The following SEMA5A variants were observed in gnomAD, a reference collection of about 807,000 sequenced individuals.
SEMA5A encodes the protein semaphorin 5A.
SEMA5A carries 55 observed loss-of-function variants against 135.5 expected under a neutral mutation model. That is an observed-to-expected ratio of 0.41 (90% CI 0.33 to 0.51). SEMA5A has a LOEUF of 0.51. Among genes scored for constraint, SEMA5A ranks in the 20% least tolerant of loss-of-function variants. The probability of loss-of-function intolerance (pLI) is 0.37; values close to 1 mark genes in which losing one functional copy is unlikely to be tolerated. For synonymous variants in SEMA5A, 580 were observed against 546.5 expected (o/e 1.06, Z -0.85); for missense variants, 1,290 against 1,419.9 (o/e 0.91, Z 1.47).
At chr5:9,309,896 A>AAAGATATAAGAG (rs1752042755) in intron 5 of SEMA5A, among the ~76,000 whole-genome samples, 1 of 10,216 alleles carries the variant, frequency 9.8e-5, no homozygotes, top group African/African-American at 1.3e-4. Flanking sequence ...CACCAAGGGA[A>AAAGATATAAGAG]CAGATATAAG....
chr5:9,491,511 A>AC (rs1735002740), intron 1 of SEMA5A, among the ~76,000 whole-genome samples: 1 of 152,066 alleles, frequency 6.6e-6, no homozygotes, highest in Non-Finnish European at 1.5e-5. Flanking sequence ...TGCATACACA[A>AC]CCTGAAGACT....
intron 6 of SEMA5A, among the ~76,000 whole-genome samples, chr5:9,234,213 G>A (rs1453398542): frequency 6.6e-6 from 1 of 152,168 alleles, no homozygotes; most frequent in Non-Finnish European, 1.5e-5. Context: ...AATGTGGGTT[G>A]TCTGAATTCT....
chr5:9,517,087 G>A (rs575312192), intron 1 of SEMA5A: 1 of 152,142 alleles, frequency 6.6e-6, no homozygotes, highest in South Asian at 2.1e-4. Context: ...ATTAACACTG[G>A]AACATCCATG....
chr5:9,544,190 GGTAAGCTAGAC>G (rs1738245275), intron 1 of SEMA5A, among the ~76,000 whole-genome samples: 1 of 151,864 alleles, frequency 6.6e-6, no homozygotes, highest in Non-Finnish European at 1.5e-5. Context: ...AGCTCTTCTC[GGTAAGCTAGAC>G]GTAAAACTTG....
chr5:9,314,698 TA>T (rs57203272), intron 5 of SEMA5A, among the ~76,000 whole-genome samples: 3,839 of 144,164 alleles, frequency 0.027, 160 homozygotes, highest in African/African-American at 0.09. Context: ...ACACGTGATA[TA>T]AAAAAAAAAA....
chr5:9,235,325 CAAAT>C (rs1477683795), intron 6 of SEMA5A, among the ~76,000 whole-genome samples: 2 of 152,166 alleles, frequency 1.3e-5, no homozygotes, highest in Non-Finnish European at 2.9e-5. Context: ...GCAAAAGTGA[CAAAT>C]AAATTTGCCA....
intron 5 of SEMA5A, among the ~76,000 whole-genome samples, chr5:9,302,779 T>G (rs574719947): frequency 2.6e-5 from 4 of 152,272 alleles, no homozygotes; most frequent in Admixed American, 6.5e-5. Context: ...TATCCATTAG[T>G]TCAATGTGTT....
At chr5:9,211,074 T>C (rs1293902364) in intron 8 of SEMA5A, among the ~76,000 whole-genome samples, 1 of 152,192 alleles carries the variant, frequency 6.6e-6, no homozygotes, top group Non-Finnish European at 1.5e-5. Context: ...CAGGCCTGAA[T>C]ATTAGAAAAG....
chr5:9,157,463 C>T (rs545409434), intron 11 of SEMA5A, among the ~76,000 whole-genome samples: 3 of 152,184 alleles, frequency 2.0e-5, no homozygotes, highest in African/African-American at 4.8e-5. Context: ...GTCTAAGGGA[C>T]AGCAGCACCA....
At chr5:9,450,382 A>G (rs1758597107) in intron 1 of SEMA5A, among the ~76,000 whole-genome samples, 1 of 152,230 alleles carries the variant, frequency 6.6e-6, no homozygotes, top group African/African-American at 2.4e-5. Context: ...GCCAGTTGCT[A>G]AGTATACATT....
intron 11 of SEMA5A, among the ~76,000 whole-genome samples, chr5:9,183,580 G>C (rs1316974118): frequency 6.6e-6 from 1 of 152,184 alleles, no homozygotes; most frequent in Non-Finnish European, 1.5e-5. Flanking sequence ...ATGGCCAAGG[G>C]TTCAGGGTCA....
At position 9,181,651 on chromosome 5, in the gene SEMA5A, T is replaced by C. The variant is rs188504055; in HGVS notation, c.1273+8616A>G. Among the ~76,000 whole-genome samples the C allele has an allele frequency of 2.1e-3, 318 of 152,260 alleles. 6 individuals carry two copies. The highest frequency in any genetic ancestry group is 7.2e-3 in the African/African-American group (299 of 41,528). On this transcript the variant is annotated intron_variant, in intron 11 of 22. Coordinates refer to ENST00000382496, the MANE Select transcript of SEMA5A (RefSeq NM_003966.3). ...TCTCAGCCCAGGTTCTAGGTCTGCA[T>C]CTTGGAAGATTGGGGATGGGATTGA...
chr5:9,139,024 T>C (rs540809154), intron 12 of SEMA5A, among the ~76,000 whole-genome samples: 2 of 152,334 alleles, frequency 1.3e-5, no homozygotes, highest in African/African-American at 4.8e-5. Context: ...TGGTCCCACA[T>C]TTTTGTAATT....
chr5:9,389,312 A>T (rs533998524), intron 2 of SEMA5A, among the ~76,000 whole-genome samples: 2 of 152,186 alleles, frequency 1.3e-5, no homozygotes, highest in East Asian at 3.9e-4. Flanking sequence ...AACCCATGTG[A>T]TTTCACATGG....
At chr5:9,048,080 C>CACTT (rs986391721) in intron 21 of SEMA5A, among the ~76,000 whole-genome samples, 10 of 151,464 alleles carry the variant, frequency 6.6e-5, no homozygotes, top group Middle Eastern at 3.4e-3. Flanking sequence ...AGAATGGGAA[C>CACTT]ACTTATAAAC....
intron 1 of SEMA5A, among the ~76,000 whole-genome samples, chr5:9,486,511 A>G (rs917147314): frequency 2.0e-5 from 3 of 152,186 alleles, no homozygotes; most frequent in Admixed American, 2.0e-4. Flanking sequence ...AACACAGCTA[A>G]ACATCAAATC....
chr5:9,377,941 C>CTTG (rs1755435482), intron 3 of SEMA5A, among the ~76,000 whole-genome samples: 1 of 152,114 alleles, frequency 6.6e-6, no homozygotes, highest in African/African-American at 2.4e-5. Context: ...TAAAGAAGCT[C>CTTG]TCAAAGATGA....
At chr5:9,370,111 T>G (rs886961764) in intron 3 of SEMA5A, among the ~76,000 whole-genome samples, 1 of 152,232 alleles carries the variant, frequency 6.6e-6, no homozygotes, top group African/African-American at 2.4e-5. Context: ...ATTAATGAAC[T>G]GGGCCTCTGC....
chr5:9,238,982 T>G (rs755144454), intron 5 of SEMA5A, among the ~76,000 whole-genome samples: 8 of 152,150 alleles, frequency 5.3e-5, no homozygotes, highest in Admixed American at 1.3e-4. Flanking sequence ...TTCACCCTTA[T>G]TTTTTAGTAA....
Sources: allele counts gnomAD v4.1 joint callset (sites outside exome capture counted in the v4.1 genomes callset), GRCh38; gene constraint gnomAD v4.1.1; transcripts MANE v1.5; gene names NCBI Gene and HGNC (gene_info 2026-07-23, HGNC 2026-07-21).